Variants in SLC30A8 observed in about 807,000 individuals in gnomAD.
SLC30A8 encodes the protein solute carrier family 30 member 8.
SLC30A8 carries 27 observed loss-of-function variants against 36.9 expected under a neutral mutation model. The ratio of observed to expected loss-of-function variants is 0.73; its 90% CI spans 0.54 to 1.01. SLC30A8 has a LOEUF of 1.01. Ranked by LOEUF, SLC30A8 falls within the 50% of genes least tolerant of loss-of-function variation. The pLI is 0.00. For missense variants in SLC30A8, 439 were observed against 452.0 expected (o/e 0.97, Z 0.26); for synonymous variants, 164 against 172.4 (o/e 0.95, Z 0.38).
At position 117,096,274 on chromosome 8, in the gene SLC30A8, A is replaced by T. The variant is rs1180594053; in HGVS notation, c.-225-39006A>T. On this transcript the variant is annotated intron_variant, in intron 2 of 10. Transcript: ENST00000427715. The stretch of plus-strand genomic sequence containing the variant: ...GCTACTCCTCATCCATGTATGTGGT[A>T]AACATTGCTAACCAATAGAGGCACT... Among the ~76,000 whole-genome samples, 39 of 152,186 alleles carry T rather than the reference A, an allele frequency of 2.6e-4. 1 individual carries two copies. The highest frequency in any genetic ancestry group is 2.5e-3 in the Admixed American group (38 of 15,274).
intron 2 of SLC30A8, among the ~76,000 whole-genome samples, chr8:117,043,917 T>C (rs1323464564): frequency 6.6e-6 from 1 of 152,230 alleles, no homozygotes; most frequent in Non-Finnish European, 1.5e-5. Flanking sequence ...GAGGCAACTT[T>C]AAGCTACAGG....
At chr8:117,047,402 C>T (rs1469169397) in intron 2 of SLC30A8, among the ~76,000 whole-genome samples, 1 of 152,084 alleles carries the variant, frequency 6.6e-6, no homozygotes, top group African/African-American at 2.4e-5. Context: ...ATTCTTCCTC[C>T]AAACTAGAGG....
At chr8:117,057,393 T>G (rs1441211300) in intron 2 of SLC30A8, among the ~76,000 whole-genome samples, 1 of 152,132 alleles carries the variant, frequency 6.6e-6, no homozygotes, top group Non-Finnish European at 1.5e-5. Context: ...GTCCTATCAT[T>G]ACCTACTACA....
At chr8:117,058,229 G>A (rs1205831114) in intron 2 of SLC30A8, among the ~76,000 whole-genome samples, 1 of 151,834 alleles carries the variant, frequency 6.6e-6, no homozygotes, top group Non-Finnish European at 1.5e-5. Flanking sequence ...ATTTTTAATT[G>A]GGTTATTTGT....
At chr8:117,017,385 C>A (rs1193831689) in intron 1 of SLC30A8, among the ~76,000 whole-genome samples, 1 of 152,142 alleles carries the variant, frequency 6.6e-6, no homozygotes, top group African/African-American at 2.4e-5. Context: ...TTTCTTCATC[C>A]CTGTACTTAA....
chr8:117,108,965 G>T (rs1031505495), intron 2 of SLC30A8, among the ~76,000 whole-genome samples: 1 of 152,090 alleles, frequency 6.6e-6, no homozygotes, highest in African/African-American at 2.4e-5. Flanking sequence ...TGCTAGTTTT[G>T]CTCTCTGGCA....
chr8:117,175,181 G>C lies in SLC30A8; in HGVS notation c.*2500G>C, dbSNP rs565032231. ...GCGGAACATGTAGGTTTGTTACATA[G>C]GTATACATGTGCCATGGTGGTTTGC... On this transcript the variant is annotated 3_prime_UTR_variant, in exon 8 of 8. Transcript: ENST00000456015. The C allele has an allele frequency of 5.3e-5, 8 of 152,002 alleles. No homozygotes were observed. The highest frequency in any genetic ancestry group is 1.0e-4 in the Non-Finnish European group (7 of 68,002). The allele number at this position is 152,002 out of a possible 1,614,324, so 9.4% of individuals were successfully genotyped here. A position where few individuals can be genotyped will look rare whatever the true frequency, so the allele number is the denominator to read the frequency against.
intron 2 of SLC30A8, among the ~76,000 whole-genome samples, chr8:117,068,428 G>A (rs1039549082): frequency 1.3e-5 from 2 of 152,216 alleles, no homozygotes; most frequent in Admixed American, 1.3e-4. Context: ...TTAATTGGCA[G>A]AAGAGTCACA....
At chr8:117,160,315 T>A (rs1420620271) in intron 4 of SLC30A8, among the ~76,000 whole-genome samples, 3 of 152,218 alleles carry the variant, frequency 2.0e-5, no homozygotes, top group African/African-American at 7.2e-5. Flanking sequence ...TGAATTCAAC[T>A]CAGCTGCTAC....
intron 3 of SLC30A8, among the ~76,000 whole-genome samples, chr8:117,154,230 T>C (rs1484416171): frequency 6.6e-6 from 1 of 152,138 alleles, no homozygotes; most frequent in Non-Finnish European, 1.5e-5. Context: ...GACTCATTTT[T>C]ACAGTCCCTC....
At chr8:117,141,176 A>G (rs562288414) in intron 1 of SLC30A8, among the ~76,000 whole-genome samples, 1 of 152,268 alleles carries the variant, frequency 6.6e-6, no homozygotes, top group East Asian at 1.9e-4. Context: ...AACTCATTTT[A>G]TGAGGTCAAT....
intron 2 of SLC30A8, among the ~76,000 whole-genome samples, chr8:117,092,622 G>A (rs1819180816): frequency 6.6e-6 from 1 of 152,206 alleles, no homozygotes; most frequent in African/African-American, 2.4e-5. Flanking sequence ...TTAGAGAGAT[G>A]CCTAAAGAGA....
At chr8:117,027,434 A>G (rs1303725194) in intron 1 of SLC30A8, among the ~76,000 whole-genome samples, 2 of 152,154 alleles carry the variant, frequency 1.3e-5, no homozygotes, top group African/African-American at 4.8e-5. Context: ...TTCAAATGTC[A>G]ATATGTCAGG....
intron 1 of SLC30A8, among the ~76,000 whole-genome samples, chr8:116,959,159 A>G (rs531640170): frequency 2.0e-5 from 3 of 151,878 alleles, no homozygotes; most frequent in Admixed American, 2.0e-4. Flanking sequence ...CACTCTTTTC[A>G]TTTTTTAAAA....
chr8:117,040,084 G>A (rs1004311234), intron 2 of SLC30A8, among the ~76,000 whole-genome samples: 2 of 152,196 alleles, frequency 1.3e-5, no homozygotes, highest in African/African-American at 4.8e-5. Context: ...TACACTTACA[G>A]ACACATACAA....
chr8:117,066,147 T>C (rs1818163248), intron 2 of SLC30A8, among the ~76,000 whole-genome samples: 1 of 152,098 alleles, frequency 6.6e-6, no homozygotes, highest in African/African-American at 2.4e-5. Context: ...AAAACAACAA[T>C]GTGAAAGAAG....
intron 1 of SLC30A8, among the ~76,000 whole-genome samples, chr8:116,957,949 C>G (rs979502378): frequency 6.6e-6 from 1 of 152,144 alleles, no homozygotes; most frequent in African/African-American, 2.4e-5. Context: ...CTGTGTCCTC[C>G]CACCACTGTC....
intron 1 of SLC30A8, among the ~76,000 whole-genome samples, chr8:116,989,107 A>T (rs1815545315): frequency 6.6e-6 from 1 of 152,224 alleles, no homozygotes; most frequent in Non-Finnish European, 1.5e-5. Flanking sequence ...TATCATATTT[A>T]TGCTGAATTA....
In SLC30A8 at chr8:117,011,586, A is replaced by C. The variant is rs113329441; in HGVS notation, c.-265-27633A>C. Among the ~76,000 whole-genome samples the C allele has an allele frequency of 6.0e-3, 918 of 152,274 alleles. 9 individuals carry two copies. The highest frequency in any genetic ancestry group is 0.021 in the African/African-American group (862 of 41,554). On this transcript the variant is annotated intron_variant, in intron 1 of 10. Transcript: ENST00000427715. ...CCAGCCTCAAGGCTCTAGACTTGTTAATTTAGAGTTCGTGGTGGACCCTCT... is the reference window on the plus strand; with the variant it reads ...CCAGCCTCAAGGCTCTAGACTTGTTCATTTAGAGTTCGTGGTGGACCCTCT...
Sources: gnomAD v4.1 joint callset for allele counts (sites outside exome capture counted in the v4.1 genomes callset) on GRCh38, gnomAD v4.1.1 for gene constraint, MANE v1.5 for transcripts, NCBI Gene and HGNC (gene_info 2026-07-23, HGNC 2026-07-21) for gene names.